ADCK1: variants seen among roughly 807,000 people sequenced by gnomAD.
ADCK1 encodes the protein aarF domain-containing protein kinase 1.
ADCK1 carries 41 observed loss-of-function variants against 52.3 expected under a neutral mutation model. The observed-to-expected ratio is 0.78, with a 90% confidence interval of 0.61 to 1.02. The LOEUF (loss-of-function observed/expected upper bound fraction) is 1.02. Among genes scored for constraint, ADCK1 ranks in the 50% least tolerant of loss-of-function variants. ADCK1 has a pLI of 0.00. For missense variants in ADCK1, 658 were observed against 679.5 expected (o/e 0.97, Z 0.35); for synonymous variants, 250 against 274.6 (o/e 0.91, Z 0.89).
intron 6 of ADCK1, 22 bp from the exon 7 acceptor site, chr14:77,907,781 G>T: frequency 1.3e-6 from 2 of 1,592,110 alleles, no homozygotes; most frequent in South Asian, 2.2e-5. Context: ...CAGACCATCT[G>T]ACCTGTCCCT....
At chr14:77,903,381 C>T (rs1271779315) in intron 6 of ADCK1, among the ~76,000 whole-genome samples, 3 of 152,242 alleles carry the variant, frequency 2.0e-5, no homozygotes, top group Non-Finnish European at 4.4e-5. Context: ...AAAGACTTTA[C>T]CTCTCAGTGT....
At chr14:77,873,904 A>G (rs1177001970) in intron 4 of ADCK1, among the ~76,000 whole-genome samples, 5 of 152,218 alleles carry the variant, frequency 3.3e-5, no homozygotes, top group Non-Finnish European at 7.3e-5. Flanking sequence ...GAACAGAATA[A>G]TACACTGGGC....
intron 4 of ADCK1, among the ~76,000 whole-genome samples, chr14:77,869,716 G>C (rs543068722): frequency 1.3e-5 from 2 of 152,256 alleles, no homozygotes; most frequent in Non-Finnish European, 2.9e-5. Context: ...TTAGGGTTGG[G>C]CTAGAGTTGG....
chr14:77,933,455 C>T lies in ADCK1; in HGVS notation c.*64C>T. 1 of 1,588,872 alleles carries T rather than the reference C, an allele frequency of 6.3e-7. No individual in the cohort carries two copies. The highest frequency in any genetic ancestry group is 8.6e-7 in the Non-Finnish European group (1 of 1,161,420). On this transcript the variant is annotated 3_prime_UTR_variant, in exon 11 of 11. Coordinates refer to ENST00000238561, the MANE Select transcript of ADCK1 (RefSeq NM_020421.4). ...ACTCCTCAGCCCCTCATCTTGCCTC[C>T]ACCCAGCTGCTCCATTTTTGCCACA...
intron 4 of ADCK1, among the ~76,000 whole-genome samples, chr14:77,867,436 A>G (rs2082684948): frequency 6.6e-6 from 1 of 152,248 alleles, no homozygotes; most frequent in South Asian, 2.1e-4. Context: ...AATAAAAAAT[A>G]CATTTGTATT....
intron 5 of ADCK1, among the ~76,000 whole-genome samples, chr14:77,896,075 T>A (rs1425199796): frequency 3.9e-5 from 6 of 152,214 alleles, no homozygotes; most frequent in African/African-American, 1.2e-4. Context: ...CAATTAATAT[T>A]AGTTAATATA....
chr14:77,930,901 C>T (rs921761655), intron 9 of ADCK1, among the ~76,000 whole-genome samples: 1 of 151,572 alleles, frequency 6.6e-6, no homozygotes, highest in East Asian at 1.9e-4. Flanking sequence ...GGACAGGGAT[C>T]GTGGGGAGGC....
At chr14:77,806,819 A>T (rs966876793) in intron 1 of ADCK1, among the ~76,000 whole-genome samples, 7 of 151,716 alleles carry the variant, frequency 4.6e-5, no homozygotes, top group Admixed American at 1.3e-4. Flanking sequence ...GGTTCAAGTG[A>T]TTCTTGTGCC....
intron 3 of ADCK1, among the ~76,000 whole-genome samples, chr14:77,851,615 T>C (rs1233455924): frequency 6.6e-6 from 1 of 152,224 alleles, no homozygotes; most frequent in African/African-American, 2.4e-5. Flanking sequence ...ACCTCCTTTG[T>C]TGGTTTATGA....
chr14:77,874,257 G>C (rs1424816655), intron 4 of ADCK1, among the ~76,000 whole-genome samples: 1 of 152,226 alleles, frequency 6.6e-6, no homozygotes, highest in Non-Finnish European at 1.5e-5. Context: ...GGTACAGAAA[G>C]AGCTATAGAC....
At chr14:77,896,527 T>A (rs2083411916) in intron 5 of ADCK1, among the ~76,000 whole-genome samples, 1 of 152,246 alleles carries the variant, frequency 6.6e-6, no homozygotes, top group African/African-American at 2.4e-5. Context: ...AAAGTGGAAT[T>A]CAGGTGACTT....
intron 4 of ADCK1, among the ~76,000 whole-genome samples, chr14:77,872,584 G>A (rs74760472): frequency 3.3e-5 from 5 of 151,824 alleles, no homozygotes; most frequent in Non-Finnish European, 7.4e-5. Context: ...GCTGGCCTTG[G>A]GGGGAGAGTG....
intron 4 of ADCK1, among the ~76,000 whole-genome samples, chr14:77,872,431 G>T (rs1243387932): frequency 6.6e-6 from 1 of 152,148 alleles, no homozygotes; most frequent in Admixed American, 6.6e-5. Context: ...CTTCCGCTCC[G>T]GGCTGGCCTC....
intron 3 of ADCK1, among the ~76,000 whole-genome samples, chr14:77,836,495 C>T (rs952821739): frequency 6.6e-6 from 1 of 152,154 alleles, no homozygotes; most frequent in African/African-American, 2.4e-5. Context: ...CTTGTTCAAG[C>T]GTCCACAGCT....
At position 77,931,135 on chromosome 14, in the gene ADCK1, A is replaced by T. The variant is rs536741270; in HGVS notation, c.1207-383A>T. Among the ~76,000 whole-genome samples, 7 of 152,308 alleles carry T rather than the reference A, an allele frequency of 4.6e-5. No homozygotes were observed. In the South Asian group the frequency reaches 1.0e-3, roughly 23 times the overall value. Reference sequence around the variant, plus strand: ...TTTGGAGTTGGGTTGAAGTCAGGTCAGCCTGAGCTAGGCTTGGAGGGGTAG... The same window carrying T: ...TTTGGAGTTGGGTTGAAGTCAGGTCTGCCTGAGCTAGGCTTGGAGGGGTAG... On this transcript the variant is annotated intron_variant, in intron 9 of 10. Transcript: ENST00000238561.
At chr14:77,894,733 C>CTTTTT (rs1566710773) in intron 5 of ADCK1, among the ~76,000 whole-genome samples, 2 of 38,402 alleles carry the variant, frequency 5.2e-5, no homozygotes, top group African/African-American at 7.6e-5. Flanking sequence ...CTTTTCTTTT[C>CTTTTT]TTGTTTTTTT....
At chr14:77,912,619 G>A (rs1451444518) in intron 7 of ADCK1, among the ~76,000 whole-genome samples, 3 of 152,128 alleles carry the variant, frequency 2.0e-5, no homozygotes, top group Admixed American at 6.5e-5. Flanking sequence ...CTTGGGGAGG[G>A]AGGTACAAGG....
intron 7 of ADCK1, among the ~76,000 whole-genome samples, chr14:77,922,289 T>A (rs1290032568): frequency 6.6e-6 from 1 of 152,170 alleles, no homozygotes; most frequent in Non-Finnish European, 1.5e-5. Flanking sequence ...GTCTGAGAAC[T>A]TGACCTGGGG....
intron 4 of ADCK1, among the ~76,000 whole-genome samples, chr14:77,886,626 A>C (rs1227063342): frequency 6.6e-6 from 1 of 152,186 alleles, no homozygotes; most frequent in Non-Finnish European, 1.5e-5. Context: ...CAACTGATAA[A>C]GCAAAAAAAT....
Sources: allele counts gnomAD v4.1 joint callset (sites outside exome capture counted in the v4.1 genomes callset), GRCh38; gene constraint gnomAD v4.1.1; transcripts MANE v1.5; gene names NCBI Gene and HGNC (gene_info 2026-07-23, HGNC 2026-07-21).